The following OR8K1 variants were observed in gnomAD, a reference collection of about 807,000 sequenced individuals.
OR8K1 encodes the protein olfactory receptor 8K1.
For synonymous variants in OR8K1, 157 were observed against 139.4 expected (o/e 1.13, Z -0.89); for missense variants, 417 against 374.0 (o/e 1.11, Z -0.95).
rs1395735169 is a variant in OR8K1 at position 56,346,562 on chromosome 11, G to A, written c.524G>A (p.Cys175Tyr). Residue 175 changes from cysteine (C) to tyrosine (Y), a missense_variant, in exon 1 of 1, where the codon TGT becomes TAT. Coordinates refer to ENST00000279783, the MANE Select transcript of OR8K1 (RefSeq NM_001002907.1). Reference sequence around the variant, plus strand: ...ATTAAGTTATTTAAACTGTCCTTCTGTGGCTCAAACATAATCAGCTATTTT... The same window carrying A: ...ATTAAGTTATTTAAACTGTCCTTCTATGGCTCAAACATAATCAGCTATTTT... ...LTIKLFKLSFCGSNIISYFYC... is the reference protein window; with the variant it reads ...LTIKLFKLSFYGSNIISYFYC... The A allele has an allele frequency of 1.2e-6, 2 of 1,613,884 alleles. No homozygotes were observed. Among genetic ancestry groups the A allele is most frequent in the Non-Finnish European group, 1.7e-6 (2 of 1,179,890 alleles).
rs757110984 is a variant in OR8K1, at chr11:56,346,658, T to C, written c.620T>C (p.Ile207Thr). 13 of 1,613,852 alleles carry C rather than the reference T, an allele frequency of 8.1e-6. No individual in the cohort carries two copies. The highest frequency in any genetic ancestry group is 1.1e-5 in the Non-Finnish European group (13 of 1,179,884). Residue 207 changes from isoleucine (I) to threonine (T), a missense_variant, in exon 1 of 1, where the codon ATC (isoleucine) becomes ACC (threonine). Coordinates refer to ENST00000279783, the MANE Select transcript of OR8K1 (RefSeq NM_001002907.1). ...AATGAATTAGAATTAATAATTTTGA[T>C]CTTCTCAGGCTGTAATTTGCTCTTC... ...DTNELELIIL[I>T]FSGCNLLFSL...
rs761572717 is a variant in OR8K1, at chr11:56,346,416, T to C, written c.378T>C (p.Tyr126=). 1 of 1,614,188 alleles carries C rather than the reference T, an allele frequency of 6.2e-7. No individual in the cohort carries two copies. The highest frequency in any genetic ancestry group is 8.5e-7 in the Non-Finnish European group (1 of 1,180,024). Residue 126 remains tyrosine, a synonymous_variant, in exon 1 of 1, where the codon TAT becomes TAC. Coordinates refer to ENST00000279783, the MANE Select transcript of OR8K1 (RefSeq NM_001002907.1). ...TCTTTATTCTATCAGCAATGGCCTA[T>C]GATCGCTACGTAGCCATCTGTAAAC... The part of the protein sequence containing the change: ...SELFILSAMA[Y]DRYVAICKPL...
chr11:56,346,081 G>T lies in OR8K1; in HGVS notation c.43G>T (p.Val15Leu). The T allele has an allele frequency of 6.2e-7, 1 of 1,612,666 alleles. No individual in the cohort carries two copies. The highest frequency in any genetic ancestry group is 8.5e-7 in the Non-Finnish European group (1 of 1,178,978). ...VKHNHTAVTK[V>L]TEFILMGITD... is the part of the protein sequence containing the mutation. ...ACACAATCACACGGCAGTGACCAAG[G>T]TGACTGAATTTATTCTCATGGGGAT... Residue 15 changes from valine (V) to leucine (L), a missense_variant, in exon 1 of 1, where the codon GTG becomes TTG. By Grantham distance (32) the Val-to-Leu change is conservative. Coordinates refer to ENST00000279783, the MANE Select transcript of OR8K1 (RefSeq NM_001002907.1).
Position 56,346,362 on chromosome 11 carries a change from A to G in OR8K1, c.324A>G (p.Ala108=), listed in dbSNP as rs1854830723. 2 of 1,614,166 alleles carry G rather than the reference A, an allele frequency of 1.2e-6. No individual in the cohort carries two copies. Among genetic ancestry groups the G allele is most frequent in the East Asian group, 2.2e-5 (1 of 44,884 alleles). The part of the protein sequence containing the change: ...ISYNWYATQL[A]FFEIFIISEL... The stretch of plus-strand genomic sequence containing the variant: ...ACAATTGGTATGCCACTCAGCTAGC[A>G]TTCTTTGAGATTTTCATCATCTCTG... Residue 108 remains alanine, a synonymous_variant, in exon 1 of 1, where the codon GCA becomes GCG. Transcript: ENST00000279783.
Position 56,346,292 on chromosome 11 carries a change from C to T in OR8K1, c.254C>T (p.Pro85Leu), listed in dbSNP as rs775622719. ...CTTGGTTACTCCACTGTCATTGCCC[C>T]GAAGATGTTAGTAAACTTCATAGTG... is the stretch of plus-strand genomic sequence containing the variant. ...TDLGYSTVIA[P>L]KMLVNFIVHK... Residue 85 changes from proline to leucine, a missense_variant, in exon 1 of 1, where the codon CCG becomes CTG. Coordinates refer to ENST00000279783, the MANE Select transcript of OR8K1 (RefSeq NM_001002907.1). The T allele has an allele frequency of 5.6e-6, 9 of 1,614,094 alleles. No homozygotes were observed. Among genetic ancestry groups the T allele is most frequent in the Non-Finnish European group, 7.6e-6 (9 of 1,180,016 alleles).
Position 56,346,228 on chromosome 11 carries a change from C to T in OR8K1, c.190C>T (p.Pro64Ser). The change falls in exon 1 of 1, where the codon CCC (proline) becomes TCC (serine). Residue 64 changes from proline to serine, a missense_variant. Coordinates refer to ENST00000279783, the MANE Select transcript of OR8K1 (RefSeq NM_001002907.1). ...LTYLDSKLHT[P>S]MYFFLRHLSI... ...CTACTTGGACTCCAAGCTACACACCCCCATGTACTTTTTCCTTAGACATTT... is the reference window on the plus strand; with the variant it reads ...CTACTTGGACTCCAAGCTACACACCTCCATGTACTTTTTCCTTAGACATTT... 6.2e-7 allele frequency: 1 copy of T among 1,614,040 alleles called. No individual in the cohort carries two copies. The highest frequency in any genetic ancestry group is 8.5e-7 in the Non-Finnish European group (1 of 1,179,956).
Position 56,346,688 on chromosome 11 carries a change from T to C in OR8K1, c.650T>C (p.Leu217Pro). The change falls in exon 1 of 1, where the codon CTC becomes CCC. Residue 217 changes from leucine (L) to proline (P), a missense_variant. Physicochemically the swap from Leu to Pro is moderately conservative, Grantham distance 98. Transcript: ENST00000279783. Reference protein sequence around the residue: ...IFSGCNLLFSLSIVLISYMFI... With the variant: ...IFSGCNLLFSPSIVLISYMFI... ...TCAGGCTGTAATTTGCTCTTCTCCC[T>C]CTCAATTGTTCTCATATCCTACATG... is the stretch of plus-strand genomic sequence containing the variant. 6.2e-7 allele frequency: 1 copy of C among 1,613,368 alleles called. No homozygotes were observed. Among genetic ancestry groups the C allele is most frequent in the East Asian group, 2.2e-5 (1 of 44,862 alleles).
At position 56,346,679 on chromosome 11, in the gene OR8K1, T is replaced by C. The variant is rs1378227558; in HGVS notation, c.641T>C (p.Leu214Pro). The C allele has an allele frequency of 6.2e-7, 1 of 1,613,784 alleles. No individual in the cohort carries two copies. The highest frequency in any genetic ancestry group is 1.1e-5 in the South Asian group (1 of 91,070). The change falls in exon 1 of 1, where the codon CTC becomes CCC. Residue 214 changes from leucine (L) to proline (P), a missense_variant. Coordinates refer to ENST00000279783, the MANE Select transcript of OR8K1 (RefSeq NM_001002907.1). ...TTGATCTTCTCAGGCTGTAATTTGC[T>C]CTTCTCCCTCTCAATTGTTCTCATA... Reference protein sequence around the residue: ...IILIFSGCNLLFSLSIVLISY... With the variant: ...IILIFSGCNLPFSLSIVLISY...
rs757496734 is a variant in OR8K1 at position 56,346,452 on chromosome 11, C to T, written c.414C>T (p.Tyr138=). 5.6e-6 allele frequency: 9 copies of T among 1,613,938 alleles called. No individual in the cohort carries two copies. Among genetic ancestry groups the T allele is most frequent in the South Asian group, 2.2e-5 (2 of 91,082 alleles). The change falls in exon 1 of 1, where the codon TAC becomes TAT. Residue 138 remains tyrosine, a synonymous_variant. Coordinates refer to ENST00000279783, the MANE Select transcript of OR8K1 (RefSeq NM_001002907.1). ...RYVAICKPLL[Y]VIIMAEKVLW... is the part of the protein sequence containing the mutation. ...TAGCCATCTGTAAACCTCTTCTGTA[C>T]GTGATCATCATGGCAGAGAAAGTAC... is the stretch of plus-strand genomic sequence containing the variant.
Position 56,346,442 on chromosome 11 carries a change from C to G in OR8K1, c.404C>G (p.Pro135Arg). Residue 135 changes from proline (P) to arginine (R), a missense_variant, in exon 1 of 1, where the codon CCT (proline) becomes CGT (arginine). Transcript: ENST00000279783. The stretch of plus-strand genomic sequence containing the variant: ...GATCGCTACGTAGCCATCTGTAAAC[C>G]TCTTCTGTACGTGATCATCATGGCA... ...AYDRYVAICK[P>R]LLYVIIMAEK... 1 of 1,613,954 alleles carries G rather than the reference C, an allele frequency of 6.2e-7. No homozygotes were observed. The highest frequency in any genetic ancestry group is 8.5e-7 in the Non-Finnish European group (1 of 1,179,922).
rs778011082 is a variant in OR8K1, at chr11:56,346,782, C to T, written c.744C>T (p.Ser248=). 1 of 1,613,902 alleles carries T rather than the reference C, an allele frequency of 6.2e-7. No homozygotes were observed. Among genetic ancestry groups the T allele is most frequent in the Non-Finnish European group, 8.5e-7 (1 of 1,179,830 alleles). The change falls in exon 1 of 1, where the codon AGC becomes AGT. Residue 248 remains serine (S), a synonymous_variant. Transcript: ENST00000279783. The part of the protein sequence containing the change: ...KGRYKAFSTC[S]SHLTVVIMFY... The stretch of plus-strand genomic sequence containing the variant: ...GGTACAAAGCCTTCTCCACCTGTAG[C>T]TCTCATCTGACAGTGGTGATCATGT...
chr11:56,346,467 A>C lies in OR8K1; in HGVS notation c.429A>C (p.Ala143=), dbSNP rs1854833439. The C allele has an allele frequency of 6.2e-7, 1 of 1,614,052 alleles. No homozygotes were observed. Among genetic ancestry groups the C allele is most frequent in the Non-Finnish European group, 8.5e-7 (1 of 1,179,958 alleles). ...CTCTTCTGTACGTGATCATCATGGC[A>C]GAGAAAGTACTTTGGGTGCTGGTAA... ...CKPLLYVIIM[A]EKVLWVLVIV... is the part of the protein sequence containing the mutation. Residue 143 remains alanine (A), a synonymous_variant, in exon 1 of 1, where the codon GCA becomes GCC. Transcript: ENST00000279783.
Position 56,346,239 on chromosome 11 carries a change from T to C in OR8K1, c.201T>C (p.Phe67=). 1 of 1,614,188 alleles carries C rather than the reference T, an allele frequency of 6.2e-7. No homozygotes were observed. Among genetic ancestry groups the C allele is most frequent in the Non-Finnish European group, 8.5e-7 (1 of 1,180,030 alleles). The stretch of plus-strand genomic sequence containing the variant: ...CCAAGCTACACACCCCCATGTACTT[T>C]TTCCTTAGACATTTGTCAATCACTG... The part of the protein sequence containing the change: ...LDSKLHTPMY[F]FLRHLSITDL... The change falls in exon 1 of 1, where the codon TTT becomes TTC. Residue 67 remains phenylalanine (F), a synonymous_variant. Transcript: ENST00000279783.
rs1854823967 is a variant in OR8K1, at chr11:56,346,047, T to C, written c.9T>C (p.His3=). Reference sequence around the variant, plus strand: ...TTTGCACAGTTACCAAGATGAATCATGTGGTAAAACACAATCACACGGCAG... The same window carrying C: ...TTTGCACAGTTACCAAGATGAATCACGTGGTAAAACACAATCACACGGCAG... MN[H]VVKHNHTAVT... Residue 3 remains histidine, a synonymous_variant, in exon 1 of 1, where the codon CAT becomes CAC. Transcript: ENST00000279783. 1.3e-6 allele frequency: 2 copies of C among 1,589,442 alleles called. No individual in the cohort carries two copies. The highest frequency in any genetic ancestry group is 1.7e-6 in the Non-Finnish European group (2 of 1,166,018).
At position 56,346,140 on chromosome 11, in the gene OR8K1, T is replaced by G. The variant is rs755171106; in HGVS notation, c.102T>G (p.Phe34Leu). 1 of 1,614,092 alleles carries G rather than the reference T, an allele frequency of 6.2e-7. No individual in the cohort carries two copies. Among genetic ancestry groups the G allele is most frequent in the Non-Finnish European group, 8.5e-7 (1 of 1,179,990 alleles). Residue 34 changes from phenylalanine to leucine, a missense_variant, in exon 1 of 1, where the codon TTT becomes TTG. Coordinates refer to ENST00000279783, the MANE Select transcript of OR8K1 (RefSeq NM_001002907.1). ...TDNPGLQAPL[F>L]GLFLIIYLVT... is the part of the protein sequence containing the mutation. Reference sequence around the variant, plus strand: ...ACCCTGGGCTGCAGGCTCCACTGTTTGGACTCTTCCTCATCATATATCTGG... The same window carrying G: ...ACCCTGGGCTGCAGGCTCCACTGTTGGGACTCTTCCTCATCATATATCTGG...
chr11:56,346,281 T>A lies in OR8K1; in HGVS notation c.243T>A (p.Thr81=). 1.2e-6 allele frequency: 2 copies of A among 1,614,244 alleles called. No individual in the cohort carries two copies. The highest frequency in any genetic ancestry group is 1.7e-6 in the Non-Finnish European group (2 of 1,180,040). ...CAATCACTGATCTTGGTTACTCCAC[T>A]GTCATTGCCCCGAAGATGTTAGTAA... The part of the protein sequence containing the change: ...HLSITDLGYS[T]VIAPKMLVNF... The change falls in exon 1 of 1, where the codon ACT becomes ACA. Residue 81 remains threonine, a synonymous_variant. Coordinates refer to ENST00000279783, the MANE Select transcript of OR8K1 (RefSeq NM_001002907.1).
chr11:56,346,348 G>C lies in OR8K1; in HGVS notation c.310G>C (p.Ala104Pro), dbSNP rs1854830563. ...AAACACAATTTCTTACAATTGGTATGCCACTCAGCTAGCATTCTTTGAGAT... is the reference window on the plus strand; with the variant it reads ...AAACACAATTTCTTACAATTGGTATCCCACTCAGCTAGCATTCTTTGAGAT... ...HKNTISYNWY[A>P]TQLAFFEIFI... is the part of the protein sequence containing the mutation. Residue 104 changes from alanine (A) to proline (P), a missense_variant, in exon 1 of 1, where the codon GCC becomes CCC. Physicochemically the swap from Ala to Pro is conservative, Grantham distance 27. Coordinates refer to ENST00000279783, the MANE Select transcript of OR8K1 (RefSeq NM_001002907.1). 13 of 1,614,084 alleles carry C rather than the reference G, an allele frequency of 8.1e-6. No homozygotes were observed. Among genetic ancestry groups the C allele is most frequent in the Non-Finnish European group, 1.1e-5 (13 of 1,179,996 alleles).
Position 56,346,636 on chromosome 11 carries a change from G to T in OR8K1, c.598G>T (p.Glu200Ter). The change falls in exon 1 of 1, where the codon GAA becomes TAA. Residue 200 changes from glutamate (E) to a stop codon, truncating the protein, a stop_gained. Transcript: ENST00000279783. LOFTEE classifies it low-confidence loss of function (END_TRUNC). ...LMSILCSDTN[E>*]LELIILIFSG... ...GTCCATACTCTGTTCTGACACAAAT[G>T]AATTAGAATTAATAATTTTGATCTT... 6.2e-7 allele frequency: 1 copy of T among 1,613,924 alleles called. No homozygotes were observed. Among genetic ancestry groups the T allele is most frequent in the South Asian group, 1.1e-5 (1 of 91,078 alleles).
In OR8K1 at chr11:56,346,679, T is replaced by A; in HGVS notation, c.641T>A (p.Leu214His). 6.2e-7 allele frequency: 1 copy of A among 1,613,784 alleles called. No homozygotes were observed. Among genetic ancestry groups the A allele is most frequent in the Non-Finnish European group, 8.5e-7 (1 of 1,179,712 alleles). ...IILIFSGCNLLFSLSIVLISY... is the reference protein window; with the variant it reads ...IILIFSGCNLHFSLSIVLISY... ...TTGATCTTCTCAGGCTGTAATTTGCTCTTCTCCCTCTCAATTGTTCTCATA... is the reference window on the plus strand; with the variant it reads ...TTGATCTTCTCAGGCTGTAATTTGCACTTCTCCCTCTCAATTGTTCTCATA... The change falls in exon 1 of 1, where the codon CTC (leucine) becomes CAC (histidine). Residue 214 changes from leucine to histidine, a missense_variant. By Grantham distance (99) the Leu-to-His change is moderately conservative (BLOSUM62 -3). Coordinates refer to ENST00000279783, the MANE Select transcript of OR8K1 (RefSeq NM_001002907.1).
Sources: gnomAD v4.1 joint callset for allele counts on GRCh38, gnomAD v4.1.1 for gene constraint, MANE v1.5 for transcripts, NCBI Gene and HGNC (gene_info 2026-07-23, HGNC 2026-07-21) for gene names.